The following DPP6 variants were observed in gnomAD, a reference collection of about 807,000 sequenced individuals.
The protein encoded by DPP6 is dipeptidyl peptidase like 6.
Under a neutral mutation model 122.6 loss-of-function variants are expected in DPP6, and 69 were observed. The observed-to-expected ratio is 0.56, with a 90% CI of 0.46 to 0.69. DPP6 has a LOEUF of 0.69. Ranked by LOEUF, DPP6 falls within the 30% of genes least tolerant of loss-of-function variation. The probability of loss-of-function intolerance (pLI) is 0.00; values close to 1 mark genes in which losing one functional copy is unlikely to be tolerated. For synonymous variants in DPP6, 418 were observed against 433.1 expected (o/e 0.97, Z 0.43); for missense variants, 928 against 1,116.9 (o/e 0.83, Z 2.41).
chr7:154,631,327 T>G (rs1203773173), intron 5 of DPP6, among the ~76,000 whole-genome samples: 3 of 152,160 alleles, frequency 2.0e-5, no homozygotes, highest in South Asian at 2.1e-4. Context: ...GGGGAACAGC[T>G]CCTGTTGCCT....
At chr7:154,395,946 GTTTT>G (rs34530908) in intron 1 of DPP6, among the ~76,000 whole-genome samples, 13,277 of 145,480 alleles carry the variant, frequency 0.091, 670 homozygotes, top group East Asian at 0.13. Context: ...AATTTCTTGA[GTTTT>G]TTTTTTTTTT....
intron 1 of DPP6, among the ~76,000 whole-genome samples, chr7:153,954,583 TGTGA>T (rs927008845): frequency 6.6e-6 from 1 of 152,196 alleles, no homozygotes; most frequent in African/African-American, 2.4e-5. Flanking sequence ...GGGTGTTTTG[TGTGA>T]GTATTTTTGG....
At chr7:154,400,316 C>T (rs1248809546) in intron 1 of DPP6, among the ~76,000 whole-genome samples, 1 of 152,212 alleles carries the variant, frequency 6.6e-6, no homozygotes, top group South Asian at 2.1e-4. Context: ...CGTGGAGTTC[C>T]TCTGAGGGAG....
chr7:154,318,632 C>T (rs1213053327), intron 1 of DPP6, among the ~76,000 whole-genome samples: 1 of 152,164 alleles, frequency 6.6e-6, no homozygotes, highest in Non-Finnish European at 1.5e-5. Context: ...GCAACAGAAC[C>T]AGAAATCACT....
the DPP6 span, among the ~76,000 whole-genome samples, chr7:153,871,636 C>T: frequency 6.6e-6 from 1 of 152,206 alleles, no homozygotes; most frequent in Non-Finnish European, 1.5e-5. Context: ...TCGGCTTACG[C>T]ACAGTGCGCT....
At chr7:153,831,911 G>A in the DPP6 span, among the ~76,000 whole-genome samples, 1 of 152,172 alleles carries the variant, frequency 6.6e-6, no homozygotes, top group Non-Finnish European at 1.5e-5. Context: ...AAGCCATGGA[G>A]GGAATTTAAG....
chr7:154,809,138 A>G (rs1324462509), intron 16 of DPP6, among the ~76,000 whole-genome samples: 2 of 152,228 alleles, frequency 1.3e-5, no homozygotes, highest in African/African-American at 4.8e-5. Flanking sequence ...AGTCAAAATA[A>G]TAATGAGTTG....
chr7:154,839,118 TAAC>T (rs1196148426), intron 16 of DPP6, among the ~76,000 whole-genome samples: 1 of 152,148 alleles, frequency 6.6e-6, no homozygotes, highest in Non-Finnish European at 1.5e-5. Flanking sequence ...ATGCAAATAA[TAAC>T]AATACTAGAC....
chr7:153,988,246 C>T (rs1480507463), intron 1 of DPP6, among the ~76,000 whole-genome samples: 2 of 151,578 alleles, frequency 1.3e-5, no homozygotes, highest in African/African-American at 4.8e-5. Context: ...CACTTCCCAG[C>T]CAGGAGGGCT....
chr7:154,414,946 G>A (rs566503311), intron 1 of DPP6, among the ~76,000 whole-genome samples: 5 of 152,294 alleles, frequency 3.3e-5, no homozygotes, highest in African/African-American at 1.2e-4. Context: ...GCCACTTGTA[G>A]CCAGCCCTGA....
At chr7:153,990,419 CT>C in intron 1 of DPP6, among the ~76,000 whole-genome samples, 2 of 61,044 alleles carry the variant, frequency 3.3e-5, no homozygotes, top group African/African-American at 1.5e-4. Flanking sequence ...ACAACTCTTT[CT>C]TACTGTTTTT....
intron 2 of DPP6, among the ~76,000 whole-genome samples, chr7:154,465,138 CA>C (rs145414852): frequency 0.022 from 3,334 of 152,210 alleles, 116 homozygotes; most frequent in African/African-American, 0.073. Flanking sequence ...CTGTGGAAAG[CA>C]AAACCATGGG....
chr7:154,429,553 C>T (rs1440066134), intron 1 of DPP6, among the ~76,000 whole-genome samples: 1 of 152,216 alleles, frequency 6.6e-6, no homozygotes, highest in Non-Finnish European at 1.5e-5. Context: ...GTAACACACT[C>T]AAGAGGCTTC....
chr7:154,403,956 C>G lies in DPP6; in HGVS notation c.244-42258C>G, dbSNP rs892727216. On this transcript the variant is annotated intron_variant, in intron 1 of 25. Coordinates refer to ENST00000377770, the MANE Select transcript of DPP6 (RefSeq NM_130797.4). This position sits in a 1 kb window ranked among gnomAD's most constrained non-coding sequence, Gnocchi z 4.1. ...TCATTAAACTCACATTCACCTTTGT[C>G]TTTTGTTGAAAAAAGTTAATCTTGT... 2.0e-5 allele frequency among the ~76,000 whole-genome samples: 3 copies of G among 152,176 alleles called. No individual in the cohort carries two copies. Among genetic ancestry groups the G allele is most frequent in the African/African-American group, 7.2e-5 (3 of 41,434 alleles).
intron 1 of DPP6, among the ~76,000 whole-genome samples, chr7:153,933,192 C>CT (rs1294950138): frequency 1.3e-5 from 2 of 152,202 alleles, no homozygotes; most frequent in Non-Finnish European, 2.9e-5. Flanking sequence ...TGTGTAACCT[C>CT]TAAGTTTCCT....
intron 5 of DPP6, among the ~76,000 whole-genome samples, chr7:154,634,890 C>T (rs908105085): frequency 6.6e-6 from 1 of 152,060 alleles, no homozygotes; most frequent in Non-Finnish European, 1.5e-5. Flanking sequence ...GATGGCATAA[C>T]CAGGGAATGA....
the DPP6 span, among the ~76,000 whole-genome samples, chr7:153,879,072 C>T: frequency 6.6e-6 from 1 of 152,108 alleles, no homozygotes; most frequent in Non-Finnish European, 1.5e-5. Context: ...GGATACTTCC[C>T]TAATAGCAGT....
At chr7:154,239,818 C>CAAAAAAAA (rs146860382) in intron 1 of DPP6, among the ~76,000 whole-genome samples, 3 of 91,850 alleles carry the variant, frequency 3.3e-5, no homozygotes, top group African/African-American at 6.5e-5. Flanking sequence ...ACTAAAACTA[C>CAAAAAAAA]AAAAAAAAAA....
At chr7:153,833,162 A>G in the DPP6 span, among the ~76,000 whole-genome samples, 1 of 152,220 alleles carries the variant, frequency 6.6e-6, no homozygotes, top group Non-Finnish European at 1.5e-5. Flanking sequence ...TAAAGTATTC[A>G]TCTCTTGCCT....
Sources: allele counts gnomAD v4.1 joint callset (sites outside exome capture counted in the v4.1 genomes callset), GRCh38; gene constraint gnomAD v4.1.1; non-coding constraint Gnocchi (gnomAD v3.1); transcripts MANE v1.5; gene names NCBI Gene and HGNC (gene_info 2026-07-23, HGNC 2026-07-21).